The following RPS6KA2 variants were observed in gnomAD, a reference collection of about 807,000 sequenced individuals.
RPS6KA2 encodes the protein ribosomal protein S6 kinase alpha-2.
RPS6KA2 carries 42 observed loss-of-function variants against 91.8 expected under a neutral mutation model. That is an observed-to-expected ratio of 0.46 (90% CI 0.36 to 0.59). The LOEUF (loss-of-function observed/expected upper bound fraction) is 0.59. Among genes scored for constraint, RPS6KA2 ranks in the 20% least tolerant of loss-of-function variants. The pLI, the probability that RPS6KA2 is intolerant of heterozygous loss-of-function variation, is 0.00. For synonymous variants in RPS6KA2, 414 were observed against 393.6 expected (o/e 1.05, Z -0.61); for missense variants, 798 against 978.5 (o/e 0.82, Z 2.46).
At chr6:166,860,301 T>A (rs552944690) in intron 1 of RPS6KA2, among the ~76,000 whole-genome samples, 3 of 152,248 alleles carry the variant, frequency 2.0e-5, no homozygotes, top group Non-Finnish European at 2.9e-5. Context: ...CTGAAAAAAA[T>A]TTATTTTGCT....
At chr6:166,595,770 A>G (rs1044037488) in intron 1 of RPS6KA2, among the ~76,000 whole-genome samples, 1 of 152,240 alleles carries the variant, frequency 6.6e-6, no homozygotes, top group African/African-American at 2.4e-5. Flanking sequence ...AGACAGGCAG[A>G]AAGATATAAA....
intron 1 of RPS6KA2, among the ~76,000 whole-genome samples, chr6:166,590,600 T>TTGC (rs1161177476): frequency 5.3e-5 from 8 of 152,296 alleles, no homozygotes; most frequent in Admixed American, 3.3e-4. Flanking sequence ...AATGAGTTGA[T>TTGC]TGCTGCTGCT....
At chr6:166,484,613 T>C (rs1272481455) in intron 10 of RPS6KA2, among the ~76,000 whole-genome samples, 2 of 152,212 alleles carry the variant, frequency 1.3e-5, no homozygotes, top group African/African-American at 4.8e-5. Flanking sequence ...TGTAGCCGCA[T>C]TGCCATCACA....
At chr6:166,668,311 C>G (rs1223680953) in intron 2 of RPS6KA2, among the ~76,000 whole-genome samples, 1 of 152,222 alleles carries the variant, frequency 6.6e-6, no homozygotes, top group East Asian at 1.9e-4. Context: ...GCACCTCACC[C>G]CTCAGTTCAT....
At chr6:166,417,624 C>T (rs940222819) in intron 19 of RPS6KA2, among the ~76,000 whole-genome samples, 2 of 118,008 alleles carry the variant, frequency 1.7e-5, no homozygotes, top group African/African-American at 8.8e-5. Context: ...TCTCTATACA[C>T]ACACACACAC....
chr6:166,649,741 A>C (rs1329685441), intron 2 of RPS6KA2, among the ~76,000 whole-genome samples: 1 of 152,166 alleles, frequency 6.6e-6, no homozygotes, highest in Non-Finnish European at 1.5e-5. Flanking sequence ...GCTGAAGAAA[A>C]ACCAGACCCC....
At chr6:166,578,100 T>A (rs1172652187) in intron 1 of RPS6KA2, among the ~76,000 whole-genome samples, 1 of 152,188 alleles carries the variant, frequency 6.6e-6, no homozygotes, top group African/African-American at 2.4e-5. Context: ...TGAGGAACTG[T>A]AAGTCCAATT....
chr6:166,465,311 C>T (rs6905447), intron 11 of RPS6KA2: 80,913 of 152,044 alleles, frequency 0.53, 22,631 homozygotes, highest in African/African-American at 0.71. Context: ...TAAAATTACC[C>T]CTTAAATAAA....
intron 3 of RPS6KA2, among the ~76,000 whole-genome samples, chr6:166,525,941 G>T (rs963920863): frequency 3.9e-5 from 6 of 152,168 alleles, no homozygotes; most frequent in African/African-American, 1.4e-4. Context: ...AAACTTGGAG[G>T]TCCCTTTGAG....
intron 3 of RPS6KA2, among the ~76,000 whole-genome samples, chr6:166,530,410 C>G (rs542920199): frequency 6.6e-5 from 10 of 152,232 alleles, no homozygotes; most frequent in Non-Finnish European, 1.5e-4. Context: ...CCAGGGGCCA[C>G]GTGACCCTCC....
At chr6:166,470,726 G>A (rs988399414) in intron 10 of RPS6KA2, among the ~76,000 whole-genome samples, 3 of 152,222 alleles carry the variant, frequency 2.0e-5, no homozygotes, top group East Asian at 1.9e-4. Flanking sequence ...CTGCAGAAGC[G>A]TGCCCATTCA....
intron 2 of RPS6KA2, among the ~76,000 whole-genome samples, chr6:166,728,722 T>TA (rs1319108643): frequency 4.6e-5 from 7 of 152,118 alleles, no homozygotes; most frequent in Non-Finnish European, 7.4e-5. Flanking sequence ...TTCTCACTTC[T>TA]AAAAAACGGT....
intron 3 of RPS6KA2, among the ~76,000 whole-genome samples, chr6:166,511,388 A>C (rs1562546452): frequency 6.6e-6 from 1 of 152,250 alleles, no homozygotes; most frequent in Non-Finnish European, 1.5e-5. Flanking sequence ...CTCTCCATGA[A>C]GATAACCATG....
At position 166,554,703 on chromosome 6, in the gene RPS6KA2, AG is replaced by A. The variant is rs1486018372; in HGVS notation, c.100-15920del. Among the ~76,000 whole-genome samples the A allele has an allele frequency of 6.6e-5, 10 of 152,192 alleles. No individual in the cohort carries two copies. Among genetic ancestry groups the A allele is most frequent in the African/African-American group, 1.9e-4 (8 of 41,452 alleles). On this transcript the variant is annotated intron_variant, in intron 1 of 20. Coordinates refer to ENST00000265678, the MANE Select transcript of RPS6KA2 (RefSeq NM_021135.6). This position sits in a 1 kb window ranked among gnomAD's most constrained non-coding sequence, Gnocchi z 4.3. ...GGGCAAAACCAACCTGCTGTCTGAA[AG>A]GGTTTTGTTTTTTTGTTTTTTTCTA...
At chr6:166,624,893 G>A (rs1786792595) in intron 1 of RPS6KA2, among the ~76,000 whole-genome samples, 1 of 151,990 alleles carries the variant, frequency 6.6e-6, no homozygotes, top group Non-Finnish European at 1.5e-5. Context: ...GAGTGCAGTG[G>A]CGCAATCTCG....
At chr6:166,589,690 C>T (rs904758361) in intron 1 of RPS6KA2, among the ~76,000 whole-genome samples, 2 of 152,150 alleles carry the variant, frequency 1.3e-5, no homozygotes, top group South Asian at 2.1e-4. Context: ...TAGAAATGGG[C>T]GCACATCACC....
At chr6:166,823,311 C>A (rs990661097) in intron 2 of RPS6KA2, among the ~76,000 whole-genome samples, 22 of 152,144 alleles carry the variant, frequency 1.4e-4, no homozygotes, top group African/African-American at 5.3e-4. Flanking sequence ...GGTATATGAG[C>A]CTCTCTTAGA....
At chr6:166,576,044 GAGTA>G (rs1784828972) in intron 1 of RPS6KA2, among the ~76,000 whole-genome samples, 1 of 152,188 alleles carries the variant, frequency 6.6e-6, no homozygotes, top group African/African-American at 2.4e-5. Flanking sequence ...TCGTGATAGT[GAGTA>G]AGTCTCAGGA....
At position 166,668,267 on chromosome 6, in the gene RPS6KA2, C is replaced by T. The variant is rs572632721; in HGVS notation, c.124-129483G>A. 4.6e-5 allele frequency among the ~76,000 whole-genome samples: 7 copies of T among 152,262 alleles called. No homozygotes were observed. The South Asian group carries it at 6.2e-4, about 14-fold the overall frequency. Reference sequence around the variant, plus strand: ...GAGGCGTGAAGTCCCAAATCCAAGCCCACCCTCGTTCCTTCCCTTGTGTGG... The same window carrying T: ...GAGGCGTGAAGTCCCAAATCCAAGCTCACCCTCGTTCCTTCCCTTGTGTGG... On this transcript the variant is annotated intron_variant, in intron 2 of 21. Coordinates refer to the RPS6KA2 transcript ENST00000503859.
Sources: allele counts gnomAD v4.1 joint callset (sites outside exome capture counted in the v4.1 genomes callset), GRCh38; gene constraint gnomAD v4.1.1; non-coding constraint Gnocchi (gnomAD v3.1); transcripts MANE v1.5; gene names NCBI Gene and HGNC (gene_info 2026-07-23, HGNC 2026-07-21).